COLEC10: variants seen among roughly 807,000 people sequenced by gnomAD.
The protein encoded by COLEC10 is collectin subfamily member 10.
COLEC10 carries 22 observed loss-of-function variants against 28.4 expected under a neutral mutation model. That is an observed-to-expected ratio of 0.78 (90% CI 0.55 to 1.11). COLEC10 has a LOEUF of 1.11. Among genes scored for constraint, COLEC10 ranks in the 50% least tolerant of loss-of-function variants. The probability of loss-of-function intolerance (pLI) is 0.00; values close to 1 mark genes in which losing one functional copy is unlikely to be tolerated. For missense variants in COLEC10, 361 were observed against 344.1 expected (o/e 1.05, Z -0.39); for synonymous variants, 125 against 116.1 (o/e 1.08, Z -0.49).
chr8:118,987,685 TA>T, the COLEC10 span, among the ~76,000 whole-genome samples: 42 of 152,320 alleles, frequency 2.8e-4, 1 homozygote, highest in Admixed American at 2.5e-3. Context: ...ATTTTATGTC[TA>T]GACCACTATC....
At chr8:119,099,780 C>T (rs1815787611) in intron 3 of COLEC10, among the ~76,000 whole-genome samples, 2 of 152,142 alleles carry the variant, frequency 1.3e-5, no homozygotes, top group South Asian at 4.1e-4. Flanking sequence ...TGATCCACAC[C>T]ATCTTTTCTT....
At chr8:119,043,250 T>C (rs1228517653) in intron 2 of COLEC10, among the ~76,000 whole-genome samples, 2 of 152,224 alleles carry the variant, frequency 1.3e-5, no homozygotes, top group African/African-American at 4.8e-5. Context: ...TAAAGTTACA[T>C]GGGCTATGTA....
At chr8:119,018,044 A>G (rs74959942) in intron 2 of COLEC10, among the ~76,000 whole-genome samples, 6,686 of 152,224 alleles carry the variant, frequency 0.044, 219 homozygotes, top group East Asian at 0.16. Flanking sequence ...AGGAGGGGAC[A>G]AAAGATTTCT....
chr8:119,035,672 T>A (rs991572518), intron 2 of COLEC10, among the ~76,000 whole-genome samples: 5 of 152,208 alleles, frequency 3.3e-5, no homozygotes, highest in African/African-American at 7.2e-5. Flanking sequence ...GGAGTGGCCT[T>A]CCTTTAAACT....
At chr8:119,020,888 A>G (rs1814078187) in intron 2 of COLEC10, among the ~76,000 whole-genome samples, 1 of 152,176 alleles carries the variant, frequency 6.6e-6, no homozygotes. Context: ...TATGTATGTT[A>G]GAATCATTAA....
chr8:118,989,725 CA>C, the COLEC10 span, among the ~76,000 whole-genome samples: 2 of 144,138 alleles, frequency 1.4e-5, no homozygotes, highest in Non-Finnish European at 3.0e-5. Context: ...TAAAAATTTG[CA>C]TGTGTGTGTG....
chr8:119,000,939 A>G (rs1225168629), intron 1 of COLEC10, among the ~76,000 whole-genome samples: 1 of 152,162 alleles, frequency 6.6e-6, no homozygotes, highest in African/African-American at 2.4e-5. Context: ...CAGTGATGGG[A>G]CCACAATCAG....
chr8:119,044,146 C>T (rs1281009118), intron 2 of COLEC10, among the ~76,000 whole-genome samples: 2 of 152,318 alleles, frequency 1.3e-5, no homozygotes, highest in East Asian at 3.9e-4. Flanking sequence ...TTGTAATAAT[C>T]AATAGTGTCC....
chr8:118,974,630 C>A, the COLEC10 span, among the ~76,000 whole-genome samples: 1 of 151,978 alleles, frequency 6.6e-6, no homozygotes, highest in African/African-American at 2.4e-5. Flanking sequence ...TCACTGTTCT[C>A]AATATCTCCC....
chr8:119,106,086 T>C lies in COLEC10; in HGVS notation c.729T>C (p.Tyr243=). The change falls in exon 6 of 6, where the codon TAT becomes TAC. Residue 243 remains tyrosine, a synonymous_variant. Coordinates refer to ENST00000332843, the MANE Select transcript of COLEC10 (RefSeq NM_006438.5). ...NWNEGEPSDP[Y]GHEDCVEMLS... is the part of the protein sequence containing the mutation. ...ATGAGGGGGAACCCAGCGACCCCTATGGTCATGAGGACTGTGTGGAGATGC... is the reference window on the plus strand; with the variant it reads ...ATGAGGGGGAACCCAGCGACCCCTACGGTCATGAGGACTGTGTGGAGATGC... 2.5e-6 allele frequency: 4 copies of C among 1,613,904 alleles called. No individual in the cohort carries two copies. Among genetic ancestry groups the C allele is most frequent in the South Asian group, 1.1e-5 (1 of 91,078 alleles).
the COLEC10 span, among the ~76,000 whole-genome samples, chr8:118,953,876 T>A: frequency 6.6e-6 from 1 of 152,204 alleles, no homozygotes; most frequent in Non-Finnish European, 1.5e-5. Flanking sequence ...TTTGTTTCCA[T>A]TTTTTGTTAT....
chr8:119,067,479 C>T (rs1277619211), intron 1 of COLEC10, 50 bp downstream of exon 1: 2 of 1,545,548 alleles, frequency 1.3e-6, no homozygotes, highest in Admixed American at 1.7e-5. Flanking sequence ...TGATATCTTC[C>T]CTCATCTCTG....
chr8:119,034,438 T>A (rs1012296168), intron 2 of COLEC10, among the ~76,000 whole-genome samples: 1 of 146,540 alleles, frequency 6.8e-6, no homozygotes, highest in African/African-American at 2.5e-5. Flanking sequence ...AAAGGCCAGG[T>A]GCGGTGGCTC....
chr8:119,015,149 G>A (rs1375445464), intron 2 of COLEC10, among the ~76,000 whole-genome samples: 2 of 150,704 alleles, frequency 1.3e-5, no homozygotes, highest in Non-Finnish European at 2.9e-5. Context: ...TGATTGCAGG[G>A]CATGATGTAT....
chr8:118,988,496 C>T, the COLEC10 span, among the ~76,000 whole-genome samples: 1 of 152,192 alleles, frequency 6.6e-6, no homozygotes, highest in East Asian at 1.9e-4. Context: ...GGAGTTAAGG[C>T]TTCAAGGAAA....
chr8:118,962,360 G>A, the COLEC10 span, among the ~76,000 whole-genome samples: 1 of 152,176 alleles, frequency 6.6e-6, no homozygotes, highest in African/African-American at 2.4e-5. Context: ...AACGTCTAGT[G>A]TATTCATCAC....
the COLEC10 span, among the ~76,000 whole-genome samples, chr8:118,978,137 A>C: frequency 6.6e-6 from 1 of 152,138 alleles, no homozygotes; most frequent in Non-Finnish European, 1.5e-5. Flanking sequence ...GATAAAATCA[A>C]GTTCATTGTT....
chr8:119,090,176 T>C (rs1253079198), intron 2 of COLEC10, among the ~76,000 whole-genome samples: 1 of 152,182 alleles, frequency 6.6e-6, no homozygotes, highest in Non-Finnish European at 1.5e-5. Context: ...TATTCACCTT[T>C]CCCCAAGATC....
At chr8:118,965,995 T>C in the COLEC10 span, among the ~76,000 whole-genome samples, 2 of 152,120 alleles carry the variant, frequency 1.3e-5, no homozygotes, top group Non-Finnish European at 2.9e-5. Flanking sequence ...AGAGAGGTAG[T>C]GGTGGCATTT....
Sources: allele counts gnomAD v4.1 joint callset (sites outside exome capture counted in the v4.1 genomes callset), GRCh38; gene constraint gnomAD v4.1.1; transcripts MANE v1.5; gene names NCBI Gene and HGNC (gene_info 2026-07-23, HGNC 2026-07-21).